Variants in SYT10 observed in about 807,000 individuals in gnomAD.
The protein encoded by SYT10 is synaptotagmin 10, also known as synaptotagmin-10.
Under a neutral mutation model 51.1 loss-of-function variants are expected in SYT10, and 31 were observed. The observed-to-expected ratio is 0.61, with a 90% CI of 0.46 to 0.82. SYT10 has a LOEUF of 0.82. Among genes scored for constraint, SYT10 ranks in the 40% least tolerant of loss-of-function variants. SYT10 has a pLI of 0.00. For missense variants in SYT10, 603 were observed against 634.0 expected (o/e 0.95, Z 0.53); for synonymous variants, 233 against 225.9 (o/e 1.03, Z -0.28).
chr12:33,437,842 T>C (rs1303844227), intron 1 of SYT10, among the ~76,000 whole-genome samples: 1 of 152,074 alleles, frequency 6.6e-6, no homozygotes, highest in Non-Finnish European at 1.5e-5. Flanking sequence ...GAATACAACA[T>C]GCTCACACAG....
intron 4 of SYT10, among the ~76,000 whole-genome samples, chr12:33,382,764 G>A (rs539575018): frequency 8.5e-5 from 13 of 152,272 alleles, no homozygotes; most frequent in African/African-American, 2.6e-4. Flanking sequence ...TACCTAGACA[G>A]ATAGAGATGA....
chr12:33,431,701 T>A (rs1866598240), intron 1 of SYT10, among the ~76,000 whole-genome samples: 1 of 152,192 alleles, frequency 6.6e-6, no homozygotes, highest in South Asian at 2.1e-4. Flanking sequence ...GTGTATGCGC[T>A]AAAGCAAAAG....
chr12:33,432,172 A>G (rs1339735157), intron 1 of SYT10: 1 of 152,142 alleles, frequency 6.6e-6, no homozygotes, highest in Non-Finnish European at 1.5e-5. Context: ...CATATAAAAT[A>G]AAAATTCCAT....
rs1866608801 is a variant in SYT10 at position 33,432,934 on chromosome 12, G to T, written c.151+6438C>A. The T allele has an allele frequency of 2.0e-5, 3 of 152,172 alleles. No homozygotes were observed. In the East Asian group the frequency reaches 5.8e-4, roughly 29 times the overall value. 9.4% of individuals were successfully genotyped at this position (152,172 alleles called of 1,614,324 possible). ...CACAATTCCATAAAGAAACAAACGT[G>T]TAAAGAGTTTTATTAATTTCTGGTA... On this transcript the variant is annotated intron_variant, in intron 1 of 6. Coordinates refer to ENST00000228567, the MANE Select transcript of SYT10 (RefSeq NM_198992.4).
At position 33,439,815 on chromosome 12, in the gene SYT10, G is replaced by A. The variant is rs564261086; in HGVS notation, c.-293C>T. 144 of 382,866 alleles carry A rather than the reference G, an allele frequency of 3.8e-4. No homozygotes were observed. The East Asian group carries it at 6.6e-3, about 18-fold the overall frequency. 23.7% of individuals were successfully genotyped at this position (382,866 alleles called of 1,614,324 possible). A position where few individuals can be genotyped will look rare whatever the true frequency, so the allele number is the denominator to read the frequency against. On this transcript the variant is annotated 5_prime_UTR_variant, in exon 1 of 7. Transcript: ENST00000228567. ...CGCGCTGGAACTAGAGACCCGGCATGGAGTGCTGAGGGGAGGGGGGAGCCG... is the reference window on the plus strand; with the variant it reads ...CGCGCTGGAACTAGAGACCCGGCATAGAGTGCTGAGGGGAGGGGGGAGCCG...
chr12:33,422,397 A>G (rs2138429128), intron 2 of SYT10, among the ~76,000 whole-genome samples: 1 of 152,284 alleles, frequency 6.6e-6, no homozygotes, highest in East Asian at 1.9e-4. Context: ...TAAAAATTAC[A>G]AAGTAGATGT....
At position 33,439,809 on chromosome 12, in the gene SYT10, C is replaced by T. The variant is rs1411693500; in HGVS notation, c.-287G>A. 2 of 432,570 alleles carry T rather than the reference C, an allele frequency of 4.6e-6. No homozygotes were observed. Among genetic ancestry groups the T allele is most frequent in the African/African-American group, 4.1e-5 (2 of 49,112 alleles). 26.8% of individuals were successfully genotyped at this position (432,570 alleles called of 1,614,324 possible). A position where few individuals can be genotyped will look rare whatever the true frequency, so the allele number is the denominator to read the frequency against. ...CCGAGGCGCGCTGGAACTAGAGACC[C>T]GGCATGGAGTGCTGAGGGGAGGGGG... On this transcript the variant is annotated 5_prime_UTR_variant, in exon 1 of 7. Transcript: ENST00000228567.
intron 3 of SYT10, among the ~76,000 whole-genome samples, chr12:33,395,886 T>G (rs1360740703): frequency 6.6e-6 from 1 of 152,166 alleles, no homozygotes; most frequent in African/African-American, 2.4e-5. Flanking sequence ...TTCCTTTCTC[T>G]TTAGTATATT....
intron 2 of SYT10, among the ~76,000 whole-genome samples, chr12:33,419,810 C>T (rs779375683): frequency 7.9e-5 from 12 of 152,214 alleles, no homozygotes; most frequent in South Asian, 2.1e-4. Flanking sequence ...CTACAGATAA[C>T]GTTCTGAGAA....
intron 1 of SYT10, among the ~76,000 whole-genome samples, chr12:33,433,408 T>C (rs1445946485): frequency 6.6e-6 from 1 of 152,176 alleles, no homozygotes. Flanking sequence ...AAGATTTTAA[T>C]GAATTATTTT....
chr12:33,398,760 T>C (rs1866278928), intron 3 of SYT10, among the ~76,000 whole-genome samples: 1 of 152,194 alleles, frequency 6.6e-6, no homozygotes, highest in Non-Finnish European at 1.5e-5. Flanking sequence ...ATGGCATATA[T>C]GGAACATTTA....
chr12:33,395,387 A>G (rs1390782262), intron 3 of SYT10, among the ~76,000 whole-genome samples: 1 of 152,214 alleles, frequency 6.6e-6, no homozygotes, highest in Non-Finnish European at 1.5e-5. Flanking sequence ...TATACTGGTT[A>G]AATGCAAGGA....
chr12:33,397,269 A>G (rs182759100), intron 3 of SYT10, among the ~76,000 whole-genome samples: 9 of 152,306 alleles, frequency 5.9e-5, no homozygotes, highest in Non-Finnish European at 7.4e-5. Flanking sequence ...GGCTATTCAC[A>G]GAGATGTGAG....
intron 1 of SYT10, among the ~76,000 whole-genome samples, chr12:33,437,288 T>C (rs1412673446): frequency 6.6e-6 from 1 of 152,254 alleles, no homozygotes; most frequent in East Asian, 1.9e-4. Context: ...TATTATGTAG[T>C]CTATTTTGCC....
At chr12:33,420,493 T>A (rs4506738) in intron 2 of SYT10, among the ~76,000 whole-genome samples, 7,056 of 138,894 alleles carry the variant, frequency 0.051, 526 homozygotes, top group African/African-American at 0.17. Flanking sequence ...GAAAAAAAAA[T>A]AAAAAATAAT....
chr12:33,431,404 C>T (rs369640258), intron 1 of SYT10, among the ~76,000 whole-genome samples: 172 of 152,266 alleles, frequency 1.1e-3, no homozygotes, highest in African/African-American at 4.0e-3. Context: ...GTCACTTTCT[C>T]ATCTATAAAT....
intron 2 of SYT10, among the ~76,000 whole-genome samples, chr12:33,423,470 T>A (rs1866523450): frequency 6.6e-6 from 1 of 152,098 alleles, no homozygotes. Context: ...GACTACCTAA[T>A]GAACTCAGCA....
chr12:33,430,573 C>CTCCTCTGTG (rs1866588927), intron 1 of SYT10, among the ~76,000 whole-genome samples: 1 of 152,160 alleles, frequency 6.6e-6, no homozygotes, highest in Non-Finnish European at 1.5e-5. Context: ...AATTGATATT[C>CTCCTCTGTG]TCCTCTGTGT....
At chr12:33,431,699 G>A (rs186686975) in intron 1 of SYT10, among the ~76,000 whole-genome samples, 71 of 152,172 alleles carry the variant, frequency 4.7e-4, no homozygotes, top group African/African-American at 1.4e-3. Flanking sequence ...TTGTGTATGC[G>A]CTAAAGCAAA....
Sources: gnomAD v4.1 joint callset for allele counts (sites outside exome capture counted in the v4.1 genomes callset) on GRCh38, gnomAD v4.1.1 for gene constraint, MANE v1.5 for transcripts, NCBI Gene and HGNC (gene_info 2026-07-23, HGNC 2026-07-21) for gene names.